The following CPT1C variants were observed in gnomAD, a reference collection of about 807,000 sequenced individuals.
CPT1C encodes the protein palmitoyl thioesterase CPT1C.
In CPT1C, 61 loss-of-function variants were observed where a neutral mutation model predicts 97.3. The ratio of observed to expected loss-of-function variants is 0.63; its 90% CI spans 0.51 to 0.78. CPT1C has a LOEUF of 0.78. Ranked by LOEUF, CPT1C falls within the 30% of genes least tolerant of loss-of-function variation. The pLI, the probability that CPT1C is intolerant of heterozygous loss-of-function variation, is 0.00. For missense variants in CPT1C, 975 were observed against 1,065.5 expected (o/e 0.92, Z 1.18); for synonymous variants, 469 against 447.2 (o/e 1.05, Z -0.61).
At chr19:49,712,684 G>C in intron 17 of CPT1C, 52 bp from the exon 18 acceptor site, 1 of 1,363,636 alleles carries the variant, frequency 7.3e-7, no homozygotes, top group East Asian at 2.3e-5. Context: ...TGGAGCCAAG[G>C]GCCGGAACTG....
intron 19 of CPT1C, 35 bp from the exon 20 acceptor site, chr19:49,713,385 C>T (rs1356664877): frequency 6.4e-7 from 1 of 1,570,278 alleles, no homozygotes; most frequent in South Asian, 1.2e-5. Flanking sequence ...TCCCATCTCC[C>T]AGCTTCCCCT....
intron 16 of CPT1C, 50 bp downstream of exon 16, chr19:49,710,907 A>G (rs748304462): frequency 2.6e-6 from 4 of 1,564,920 alleles, no homozygotes; most frequent in Non-Finnish European, 3.5e-6. Flanking sequence ...GTACTCACTC[A>G]TCCACTTGCA....
At chr19:49,702,974 G>A (rs8105199) in intron 7 of CPT1C, among the ~76,000 whole-genome samples, 9,309 of 152,084 alleles carry the variant, frequency 0.061, 905 homozygotes, top group African/African-American at 0.21. Flanking sequence ...CAAACCCAGC[G>A]AAGGGGACGA....
intron 7 of CPT1C, among the ~76,000 whole-genome samples, chr19:49,703,488 A>C (rs2083307630): frequency 6.8e-6 from 1 of 147,588 alleles, no homozygotes; most frequent in Non-Finnish European, 1.5e-5. Flanking sequence ...GGCGTGAGCC[A>C]CCATGCCCGG....
rs1221998763 is a variant in CPT1C at position 49,702,136 on chromosome 19, TAAATATATATTTATTTATAAATTATA to T, written c.693+505_693+530del. 1.7e-4 allele frequency among the ~76,000 whole-genome samples: 18 copies of T among 103,178 alleles called. 2 individuals carry two copies. Among genetic ancestry groups the T allele is most frequent in the Non-Finnish European group, 3.3e-4 (15 of 45,336 alleles). The allele number at this position is 103,178 out of a possible 152,430, so 67.7% of individuals were successfully genotyped here. On this transcript the variant is annotated intron_variant, in intron 7 of 19. Coordinates refer to ENST00000598293, the MANE Select transcript of CPT1C (RefSeq NM_001199753.2). ...TATTTATTTATTTATAAATTATAAA[TAAATATATATTTATTTATAAATTATA>T]AATAAATATATATTTATTTATATAT...
At chr19:49,699,054 G>C (rs1257429934) in intron 4 of CPT1C, among the ~76,000 whole-genome samples, 1 of 151,584 alleles carries the variant, frequency 6.6e-6, no homozygotes, top group Non-Finnish European at 1.5e-5. Context: ...AGTGAGGCGA[G>C]ATCACGCCAC....
Position 49,706,285 on chromosome 19 carries a change from G to A in CPT1C, c.1215G>A (p.Leu405=), listed in dbSNP as rs181596690. 2.6e-6 allele frequency: 4 copies of A among 1,539,522 alleles called. No homozygotes were observed. The East Asian group carries it at 9.6e-5, about 37-fold the overall frequency. Residue 405 remains leucine, a synonymous_variant, in exon 12 of 20, where the codon CTG becomes CTA. Transcript: ENST00000598293. The surrounding 1 kb of genome is among the most constrained non-coding windows in gnomAD (Gnocchi z 4.8). The stretch of plus-strand genomic sequence containing the variant: ...TGAAGACCCAGGCAGCGGAGGCCCT[G>A]GAGGCGGTGGAAGGGGCCGCTTTCT... ...TSLKTQAAEA[L]EAVEGAAFFV...
chr19:49,697,380 T>G lies in CPT1C; in HGVS notation c.196T>G (p.Phe66Val), dbSNP rs201119466. The G allele has an allele frequency of 3.9e-4, 622 of 1,614,036 alleles. 1 individual carries two copies. The highest frequency in any genetic ancestry group is 4.8e-4 in the Non-Finnish European group (570 of 1,180,028). The change falls in exon 4 of 20, where the codon TTC becomes GTC. Residue 66 changes from phenylalanine (F) to valine (V), a missense_variant. Physicochemically the swap from Phe to Val is conservative, Grantham distance 50 (BLOSUM62 -1). Coordinates refer to ENST00000598293, the MANE Select transcript of CPT1C (RefSeq NM_001199753.2). ...CAGCCCCCTCAGTTGGCTTTTCCTC[T>G]TCAGTGCCATCCAGCTTGCCTGGTT... ...PASPLSWLFL[F>V]SAIQLAWFLQ... is the part of the protein sequence containing the mutation.
chr19:49,696,786 C>T (rs1429309999), intron 3 of CPT1C, among the ~76,000 whole-genome samples: 1 of 152,080 alleles, frequency 6.6e-6, no homozygotes, highest in African/African-American at 2.4e-5. Flanking sequence ...GTGCCTGCCA[C>T]CATGCCCGGC....
intron 7 of CPT1C, 119 bp from the exon 8 acceptor site, chr19:49,704,591 A>G: frequency 1.4e-6 from 1 of 738,028 alleles, no homozygotes; most frequent in Admixed American, 2.2e-5. Context: ...ACGATGGCTG[A>G]CTTCTTTGGC....
In CPT1C at chr19:49,712,790, C is replaced by CATCT; in HGVS notation, c.2075_2078dup (p.Phe694SerfsTer3). ...CAGCCAGATCCCTGTTCAGCAAATG[C>CATCT]ATCTGTTTGACGTCCACAATTACCC... is the stretch of plus-strand genomic sequence containing the variant. On this transcript the variant is annotated frameshift_variant, in exon 18 of 20. Transcript: ENST00000598293. LOFTEE classifies it high-confidence loss of function. The CATCT allele has an allele frequency of 6.2e-7, 1 of 1,614,078 alleles. No homozygotes were observed. Among genetic ancestry groups the CATCT allele is most frequent in the Non-Finnish European group, 8.5e-7 (1 of 1,179,994 alleles).
chr19:49,698,960 G>T (rs560753009), intron 4 of CPT1C, among the ~76,000 whole-genome samples: 8 of 152,176 alleles, frequency 5.3e-5, no homozygotes, highest in Admixed American at 4.6e-4. Context: ...AAAATTAGCC[G>T]AGTGTGGTGG....
At chr19:49,707,337 T>A (rs2083561543) in intron 12 of CPT1C, among the ~76,000 whole-genome samples, 181 bp from the exon 13 acceptor site, 1 of 152,060 alleles carries the variant, frequency 6.6e-6, no homozygotes. Flanking sequence ...ATCCCAGACA[T>A]GTCTTGGAGA....
chr19:49,700,561 T>A (rs2082953326), intron 4 of CPT1C, 123 bp from the exon 5 acceptor site: 1 of 1,072,212 alleles, frequency 9.3e-7, no homozygotes, highest in Admixed American at 2.1e-5. Flanking sequence ...CCTACTAAAA[T>A]GACAAAAATG....
intron 1 of CPT1C, 157 bp downstream of exon 1, chr19:49,691,497 T>G (rs745862107): frequency 1.3e-5 from 2 of 152,074 alleles, no homozygotes; most frequent in African/African-American, 2.4e-5. Context: ...GGGTGCTTCC[T>G]TCCCCATTCC....
At position 49,706,031 on chromosome 19, in the gene CPT1C, C is replaced by G. The variant is rs760227459; in HGVS notation, c.1087C>G (p.Gln363Glu). ...CCCGAGAGCCCTGGAGCAGCAGTTT[C>G]AGAGAATCCTGGATGATCCCTCACC... ...LSPRALEQQFQRILDDPSPAC... is the reference protein window; with the variant it reads ...LSPRALEQQFERILDDPSPAC... Residue 363 changes from glutamine (Q) to glutamate (E), a missense_variant, in exon 11 of 20, where the codon CAG becomes GAG. Coordinates refer to ENST00000598293, the MANE Select transcript of CPT1C (RefSeq NM_001199753.2). This position sits in a 1 kb window ranked among gnomAD's most constrained non-coding sequence, Gnocchi z 4.8. 6 of 1,614,018 alleles carry G rather than the reference C, an allele frequency of 3.7e-6. No individual in the cohort carries two copies. The South Asian group carries it at 6.6e-5, about 18-fold the overall frequency.
chr19:49,694,120 A>T (rs1373404972), intron 3 of CPT1C, among the ~76,000 whole-genome samples: 2 of 151,264 alleles, frequency 1.3e-5, no homozygotes, highest in African/African-American at 4.9e-5. Context: ...ATAAATAAAT[A>T]AATAATAAAG....
At chr19:49,700,940 C>T (rs1386917958) in intron 5 of CPT1C, 85 bp downstream of exon 5, 4 of 1,434,462 alleles carry the variant, frequency 2.8e-6, no homozygotes, top group Non-Finnish European at 3.9e-6. Flanking sequence ...CCCCCTCTCT[C>T]TGGGTCTCTG....
chr19:49,700,776 C>A lies in CPT1C; in HGVS notation c.374C>A (p.Ala125Asp). The change falls in exon 5 of 20, where the codon GCC (alanine) becomes GAC (aspartate). Residue 125 changes from alanine (A) to aspartate (D), a missense_variant. Ala to Asp is a moderately radical substitution (Grantham distance 126, BLOSUM62 -2). Around this residue, in one of 3 missense-constraint regions of CPT1C, gnomAD observed 596 missense variants for 603.1 expected, o/e 0.99. Coordinates refer to ENST00000598293, the MANE Select transcript of CPT1C (RefSeq NM_001199753.2). ...WGALIFTLHV[A>D]LRLLLSYHGW... The stretch of plus-strand genomic sequence containing the variant: ...GCCCTGATCTTCACACTGCACGTGG[C>A]CCTGAGGCTGCTTCTGTCCTACCAC... 1 of 1,613,356 alleles carries A rather than the reference C, an allele frequency of 6.2e-7. No homozygotes were observed. Among genetic ancestry groups the A allele is most frequent in the Non-Finnish European group, 8.5e-7 (1 of 1,180,018 alleles).
Sources: allele counts gnomAD v4.1 joint callset (sites outside exome capture counted in the v4.1 genomes callset), GRCh38; gene constraint gnomAD v4.1.1; regional missense constraint gnomAD v4.1.1; non-coding constraint Gnocchi (gnomAD v3.1); transcripts MANE v1.5; gene names NCBI Gene and HGNC (gene_info 2026-07-23, HGNC 2026-07-21).